ANKS1B: variants seen among roughly 807,000 people sequenced by gnomAD.
ANKS1B encodes the protein ankyrin repeat and sterile alpha motif domain containing 1B, also known as ankyrin repeat and sterile alpha motif domain-containing protein 1B.
In ANKS1B, 36 loss-of-function variants were observed where a neutral mutation model predicts 148.3. That is an observed-to-expected ratio of 0.24 (90% confidence interval 0.19 to 0.32). The LOEUF is 0.32. ANKS1B is among the 10% of genes least tolerant of loss of function. The pLI is 1.00. For missense variants in ANKS1B, 1,157 were observed against 1,542.6 expected (o/e 0.75, Z 4.19); for synonymous variants, 542 against 560.8 (o/e 0.97, Z 0.47).
intron 8 of ANKS1B, among the ~76,000 whole-genome samples, chr12:99,671,746 C>A (rs2098539089): frequency 6.6e-6 from 1 of 152,014 alleles, no homozygotes; most frequent in African/African-American, 2.4e-5. Flanking sequence ...CTGACTAACT[C>A]TAGTTCACGA....
chr12:99,755,920 T>G (rs901365090), intron 8 of ANKS1B, among the ~76,000 whole-genome samples: 2 of 151,976 alleles, frequency 1.3e-5, no homozygotes, highest in African/African-American at 4.8e-5. Context: ...TACCTTATAA[T>G]GTCCTTATTT....
chr12:99,424,826 TG>T (rs2095210952), intron 11 of ANKS1B, among the ~76,000 whole-genome samples: 1 of 151,990 alleles, frequency 6.6e-6, no homozygotes. Context: ...GCAGACAAGA[TG>T]AAAACCTAAC....
At chr12:99,128,030 T>G (rs912289997) in intron 15 of ANKS1B, among the ~76,000 whole-genome samples, 1 of 152,196 alleles carries the variant, frequency 6.6e-6, no homozygotes, top group African/African-American at 2.4e-5. Context: ...TGAACGACCT[T>G]GGGCAAGTTG....
chr12:99,121,485 T>A (rs2062869102), intron 15 of ANKS1B, among the ~76,000 whole-genome samples: 1 of 152,182 alleles, frequency 6.6e-6, no homozygotes, highest in Non-Finnish European at 1.5e-5. Flanking sequence ...CAAACACTTT[T>A]GAGTATTTAT....
chr12:99,144,785 G>GA (rs2072399577), intron 15 of ANKS1B, among the ~76,000 whole-genome samples: 1 of 151,862 alleles, frequency 6.6e-6, no homozygotes, highest in Admixed American at 6.6e-5. Context: ...GTGCATATTC[G>GA]ACATGCACAG....
intron 10 of ANKS1B, among the ~76,000 whole-genome samples, chr12:99,498,741 A>G (rs771098121): frequency 2.0e-5 from 3 of 152,208 alleles, no homozygotes; most frequent in Non-Finnish European, 4.4e-5. Flanking sequence ...GTATTTACCC[A>G]CCAAGATCAA....
intron 17 of ANKS1B, chr12:98,894,842 G>T: frequency 1.0e-6 from 1 of 981,378 alleles, no homozygotes. Flanking sequence ...GCCGCGCTGC[G>T]CCGAGCGCCG....
At chr12:99,794,937 T>C (rs1477938676) in intron 4 of ANKS1B, among the ~76,000 whole-genome samples, 1 of 151,950 alleles carries the variant, frequency 6.6e-6, no homozygotes, top group African/African-American at 2.4e-5. Context: ...AAATATCTCA[T>C]GAACCCATAA....
At chr12:99,122,993 A>ATATATAT (rs57985878) in intron 15 of ANKS1B, among the ~76,000 whole-genome samples, 1,442 of 138,142 alleles carry the variant, frequency 0.01, 29 homozygotes, top group South Asian at 0.048. Flanking sequence ...AAAATTAAAA[A>ATATATAT]AAAAATATAT....
intron 15 of ANKS1B, among the ~76,000 whole-genome samples, chr12:99,092,395 G>A (rs532910862): frequency 1.3e-5 from 2 of 150,752 alleles, no homozygotes; most frequent in Non-Finnish European, 2.9e-5. Flanking sequence ...GAAGAAGAAC[G>A]TGCCAGAAGC....
chr12:99,953,309 T>C (rs1404847908), intron 1 of ANKS1B, among the ~76,000 whole-genome samples: 1 of 152,108 alleles, frequency 6.6e-6, no homozygotes, highest in Non-Finnish European at 1.5e-5. Flanking sequence ...AGACAATCAA[T>C]GATATCAAAT....
chr12:99,787,706 G>T (rs2065158047), intron 4 of ANKS1B, among the ~76,000 whole-genome samples: 1 of 152,202 alleles, frequency 6.6e-6, no homozygotes, highest in African/African-American at 2.4e-5. Context: ...TCCTACTGCT[G>T]AAATAGACAC....
At chr12:98,914,598 C>G (rs937239524) in intron 17 of ANKS1B, among the ~76,000 whole-genome samples, 1 of 152,106 alleles carries the variant, frequency 6.6e-6, no homozygotes, top group Admixed American at 6.5e-5. Flanking sequence ...CCCATTCCCA[C>G]CACTATCCCC....
At position 99,294,657 on chromosome 12, in the gene ANKS1B, C is replaced by CT. The variant is rs752389571; in HGVS notation, c.1757-47794dup. 3.2e-4 allele frequency among the ~76,000 whole-genome samples: 49 copies of CT among 151,534 alleles called. 1 individual carries two copies. The highest frequency in any genetic ancestry group is 6.8e-4 in the African/African-American group (28 of 41,208). ...CTACAGTCAACAATAAATTATTGCA[C>CT]TTCTTTTTTTTTTGAGACAAAGTTT... is the stretch of plus-strand genomic sequence containing the variant. On this transcript the variant is annotated intron_variant, in intron 12 of 26. Coordinates refer to ENST00000683438, the MANE Select transcript of ANKS1B (RefSeq NM_001352186.2).
At chr12:99,072,994 C>T (rs1362252706) in intron 16 of ANKS1B, among the ~76,000 whole-genome samples, 4 of 152,224 alleles carry the variant, frequency 2.6e-5, no homozygotes, top group African/African-American at 4.8e-5. Context: ...TGCCTGGAGT[C>T]GTAATTTTCA....
At chr12:99,689,099 G>A (rs1402080400) in intron 8 of ANKS1B, among the ~76,000 whole-genome samples, 1 of 151,966 alleles carries the variant, frequency 6.6e-6, no homozygotes, top group Non-Finnish European at 1.5e-5. Flanking sequence ...CATCTTCAAT[G>A]TTCCTACATT....
rs145895443 is a variant in ANKS1B at position 98,997,616 on chromosome 12, C to G, written c.2778+55541G>C. 1.4e-3 allele frequency among the ~76,000 whole-genome samples: 212 copies of G among 152,170 alleles called. 1 individual carries two copies. Among genetic ancestry groups the G allele is most frequent in the African/African-American group, 4.9e-3 (202 of 41,512 alleles). ...CCATGTTGGCCAGGATGGTCTCGATCTCTTGACCTCGTGATCTGCCTGCCT... is the reference window on the plus strand; with the variant it reads ...CCATGTTGGCCAGGATGGTCTCGATGTCTTGACCTCGTGATCTGCCTGCCT... On this transcript the variant is annotated intron_variant, in intron 17 of 26. Coordinates refer to ENST00000683438, the MANE Select transcript of ANKS1B (RefSeq NM_001352186.2).
chr12:99,431,927 AGGACAGATCTCTCATGAATGGCTT>A (rs2095380669), intron 11 of ANKS1B, among the ~76,000 whole-genome samples: 1 of 152,200 alleles, frequency 6.6e-6, no homozygotes, highest in African/African-American at 2.4e-5. Flanking sequence ...TTGGGTCAAG[AGGACAGATCTCTCATGAATGGCTT>A]GGTTCTGTTC....
At chr12:99,957,846 G>GTATT (rs1209495965) in intron 1 of ANKS1B, among the ~76,000 whole-genome samples, 3 of 152,178 alleles carry the variant, frequency 2.0e-5, no homozygotes, top group African/African-American at 7.2e-5. Flanking sequence ...GCCCTGTTCT[G>GTATT]TATTTATTCA....
Sources: gnomAD v4.1 joint callset for allele counts (sites outside exome capture counted in the v4.1 genomes callset) on GRCh38, gnomAD v4.1.1 for gene constraint, MANE v1.5 for transcripts, NCBI Gene and HGNC (gene_info 2026-07-23, HGNC 2026-07-21) for gene names.